SLC44A3: variants seen among roughly 807,000 people sequenced by gnomAD.
The protein encoded by SLC44A3 is choline transporter-like protein 3.
A neutral mutation model predicts 75.4 loss-of-function variants in SLC44A3; 74 were observed. The observed-to-expected ratio is 0.98, with a 90% CI of 0.81 to 1.19. The LOEUF (loss-of-function observed/expected upper bound fraction) is 1.19, where lower values mean the gene tolerates loss of function less well. Ranked by LOEUF, SLC44A3 falls within the 50% of genes most tolerant of loss-of-function variation. The probability of loss-of-function intolerance (pLI) is 0.00; values close to 1 mark genes in which losing one functional copy is unlikely to be tolerated. For synonymous variants in SLC44A3, 310 were observed against 296.9 expected (o/e 1.04, Z -0.45); for missense variants, 700 against 778.6 (o/e 0.90, Z 1.20).
chr1:94,840,038 G>A lies in SLC44A3; in HGVS notation c.760+1G>A, dbSNP rs913769565. On this transcript the variant is annotated splice_donor_variant, in intron 7 of 14. Transcript: ENST00000271227. LOFTEE classifies it high-confidence loss of function. ...TCATTGGTTATTTTGGGATTGTTGT[G>A]TAAGTATTTCTCTACTTGACTGATT... 51 of 1,608,506 alleles carry A rather than the reference G, an allele frequency of 3.2e-5. No individual in the cohort carries two copies. Among genetic ancestry groups the A allele is most frequent in the Non-Finnish European group, 4.1e-5 (48 of 1,175,052 alleles).
At chr1:94,864,975 G>A (rs962888840) in intron 11 of SLC44A3, 76 bp downstream of exon 11, 1 of 1,519,896 alleles carries the variant, frequency 6.6e-7, no homozygotes, top group Non-Finnish European at 8.9e-7. Context: ...AACTACAGCA[G>A]GTCCCAGGAC....
At chr1:94,877,492 A>C (rs924588617) in intron 12 of SLC44A3, among the ~76,000 whole-genome samples, 1 of 152,122 alleles carries the variant, frequency 6.6e-6, no homozygotes, top group African/African-American at 2.4e-5. Context: ...GAAAATACAC[A>C]AGGCGGAGAA....
chr1:94,840,343 G>A (rs898061803), intron 7 of SLC44A3, among the ~76,000 whole-genome samples: 1 of 126,562 alleles, frequency 7.9e-6, no homozygotes, highest in African/African-American at 3.0e-5. Context: ...AGGCTGGAGT[G>A]CAATGGCGCG....
chr1:94,887,446 A>G (rs1362288226), intron 12 of SLC44A3, among the ~76,000 whole-genome samples: 4 of 152,182 alleles, frequency 2.6e-5, no homozygotes, highest in Non-Finnish European at 5.9e-5. Flanking sequence ...TAATTTCTCT[A>G]TCAGAGTGCT....
intron 8 of SLC44A3, 42 bp from the exon 9 acceptor site, chr1:94,845,236 C>T: frequency 6.5e-7 from 1 of 1,548,688 alleles, no homozygotes; most frequent in South Asian, 1.3e-5. Context: ...ACCCAGTTCT[C>T]CATTATTTGG....
chr1:94,861,201 C>G (rs754514380), intron 10 of SLC44A3, among the ~76,000 whole-genome samples: 5 of 152,116 alleles, frequency 3.3e-5, no homozygotes, highest in Non-Finnish European at 5.9e-5. Context: ...TAAGCATTAA[C>G]TAAAAGCTTT....
chr1:94,888,063 C>G (rs1669792480), intron 12 of SLC44A3, among the ~76,000 whole-genome samples: 1 of 152,092 alleles, frequency 6.6e-6, no homozygotes. Context: ...CTCCCAACAT[C>G]CCTTTGCGGT....
intron 9 of SLC44A3, among the ~76,000 whole-genome samples, chr1:94,851,314 A>T (rs1282177389): frequency 2.6e-5 from 4 of 152,088 alleles, no homozygotes; most frequent in Non-Finnish European, 5.9e-5. Flanking sequence ...TCAGCCCTGG[A>T]GTCACACTAC....
At chr1:94,894,109 C>CA (rs915220325) in intron 14 of SLC44A3, among the ~76,000 whole-genome samples, 2 of 151,212 alleles carry the variant, frequency 1.3e-5, no homozygotes, top group South Asian at 2.1e-4. Context: ...ACCTCCCCCC[C>CA]AAAAAAAATC....
rs374840410 is a variant in SLC44A3 at position 94,892,543 on chromosome 1, G to A, written c.1857+26G>A. 1.9e-6 allele frequency: 3 copies of A among 1,594,884 alleles called. No individual in the cohort carries two copies. In the African/African-American group the frequency reaches 4.0e-5, roughly 21 times the overall value. ...GTAAGCAAACATTTCATTTCCAATT[G>A]CAATCTCCATGCTCGCAATCTTGAA... On this transcript the variant is annotated intron_variant, in intron 14 of 14. Coordinates refer to ENST00000271227, the MANE Select transcript of SLC44A3 (RefSeq NM_001114106.3).
At chr1:94,870,024 C>G (rs930191216) in intron 12 of SLC44A3, among the ~76,000 whole-genome samples, 1 of 152,230 alleles carries the variant, frequency 6.6e-6, no homozygotes, top group African/African-American at 2.4e-5. Context: ...TCCATCTTCA[C>G]TAAATCCTAG....
chr1:94,864,263 T>G (rs859099), intron 10 of SLC44A3, among the ~76,000 whole-genome samples: 1 of 152,192 alleles, frequency 6.6e-6, no homozygotes, highest in Non-Finnish European at 1.5e-5. Context: ...ACCCAGGGCT[T>G]TCTGTCCCTT....
At chr1:94,891,740 T>A (rs1275576635) in intron 13 of SLC44A3, among the ~76,000 whole-genome samples, 2 of 152,044 alleles carry the variant, frequency 1.3e-5, no homozygotes, top group East Asian at 1.9e-4. Flanking sequence ...CTGGCCAACA[T>A]GGGAAAACCC....
intron 7 of SLC44A3, 79 bp from the exon 8 acceptor site, chr1:94,841,921 T>C: frequency 6.6e-7 from 1 of 1,507,870 alleles, no homozygotes; most frequent in Non-Finnish European, 8.9e-7. Context: ...GTGGCTGGAC[T>C]TCCTGTGTGA....
chr1:94,883,814 G>A lies in SLC44A3; in HGVS notation c.1483-7316G>A, dbSNP rs1248924930. ...TCAGTGTCAGTTTAGTTTCATTTTCGTTTGTTGAAGTCAAATGAGCATTTG... is the reference window on the plus strand; with the variant it reads ...TCAGTGTCAGTTTAGTTTCATTTTCATTTGTTGAAGTCAAATGAGCATTTG... On this transcript the variant is annotated intron_variant, in intron 12 of 14. Transcript: ENST00000271227. 4.6e-5 allele frequency among the ~76,000 whole-genome samples: 7 copies of A among 152,244 alleles called. No homozygotes were observed. The South Asian group carries it at 8.3e-4, about 18-fold the overall frequency.
intron 9 of SLC44A3, among the ~76,000 whole-genome samples, chr1:94,852,814 C>T (rs562096595): frequency 1.3e-5 from 2 of 152,250 alleles, no homozygotes; most frequent in East Asian, 3.9e-4. Flanking sequence ...GGGATTTTGG[C>T]CTGAGCAACT....
chr1:94,891,483 G>A (rs745518493), intron 13 of SLC44A3, among the ~76,000 whole-genome samples: 1 of 152,160 alleles, frequency 6.6e-6, no homozygotes, highest in Non-Finnish European at 1.5e-5. Flanking sequence ...AATAGGTAGA[G>A]CCAGAATTTT....
At chr1:94,855,472 G>A (rs1665767046) in intron 9 of SLC44A3, 1 of 152,100 alleles carries the variant, frequency 6.6e-6, no homozygotes, top group African/African-American at 2.4e-5. Context: ...TTCTGTTTGG[G>A]AGGGGCCACC....
chr1:94,830,363 C>A (rs1661959584), intron 5 of SLC44A3, among the ~76,000 whole-genome samples: 1 of 152,150 alleles, frequency 6.6e-6, no homozygotes, highest in Non-Finnish European at 1.5e-5. Flanking sequence ...CAGGCGCATG[C>A]CACCATACCC....
Sources: allele counts gnomAD v4.1 joint callset (sites outside exome capture counted in the v4.1 genomes callset), GRCh38; gene constraint gnomAD v4.1.1; transcripts MANE v1.5; gene names NCBI Gene and HGNC (gene_info 2026-07-23, HGNC 2026-07-21).